Variants in DNMT1 observed in about 807,000 individuals in gnomAD.
The protein encoded by DNMT1 is DNA methyltransferase 1.
Under a neutral mutation model 205.3 loss-of-function variants are expected in DNMT1, and 24 were observed. The ratio of observed to expected loss-of-function variants is 0.12; its 90% confidence interval spans 0.08 to 0.16. The LOEUF (loss-of-function observed/expected upper bound fraction) is 0.16. DNMT1 is among the 10% of genes least tolerant of loss of function. The pLI, the probability that DNMT1 is intolerant of heterozygous loss-of-function variation, is 1.00. For synonymous variants in DNMT1, 817 were observed against 839.8 expected (o/e 0.97, Z 0.47); for missense variants, 1,293 against 2,177.7 (o/e 0.59, Z 8.09).
intron 19 of DNMT1, among the ~76,000 whole-genome samples, chr19:10,155,319 G>T (rs1481730189): frequency 6.6e-6 from 1 of 151,932 alleles, no homozygotes; most frequent in Non-Finnish European, 1.5e-5. Context: ...GGTTTGGGTT[G>T]CAAGAATAAG....
At chr19:10,139,282 C>T (rs552153229) in intron 34 of DNMT1, among the ~76,000 whole-genome samples, 17 of 152,340 alleles carry the variant, frequency 1.1e-4, no homozygotes, top group African/African-American at 4.1e-4. Context: ...TTAAACCAAT[C>T]GAACAGCTGC....
chr19:10,148,907 C>A lies in DNMT1; in HGVS notation c.2697G>T (p.Gln899His), dbSNP rs530293931. 5 of 1,614,186 alleles carry A rather than the reference C, an allele frequency of 3.1e-6. No homozygotes were observed. Among genetic ancestry groups the A allele is most frequent in the Non-Finnish European group, 4.2e-6 (5 of 1,180,032 alleles). Residue 899 changes from glutamine (Q) to histidine (H), a missense_variant, in exon 27 of 41, where the codon CAG becomes CAT. Gln to His is a conservative substitution (Grantham distance 24, BLOSUM62 0). Coordinates refer to ENST00000359526, the MANE Select transcript of DNMT1 (RefSeq NM_001130823.3). ...YARFESPPKT[Q>H]PTEDNKFKFC... ...ACTTGAACTTGTTGTCCTCTGTTGGCTGGGTTTTTGGAGGGGACTCGAATC... is the reference window on the plus strand; with the variant it reads ...ACTTGAACTTGTTGTCCTCTGTTGGATGGGTTTTTGGAGGGGACTCGAATC...
At chr19:10,173,626 G>C (rs1001151685) in intron 8 of DNMT1, among the ~76,000 whole-genome samples, 8 of 151,754 alleles carry the variant, frequency 5.3e-5, no homozygotes, top group African/African-American at 1.9e-4. Flanking sequence ...TGAGTAGCTG[G>C]GATTAAAGGC....
At position 10,142,113 on chromosome 19, in the gene DNMT1, C is replaced by G. The variant is rs779489678; in HGVS notation, c.3224G>C (p.Arg1075Pro). Reference sequence around the variant, plus strand: ...GTCCTCCCCATACTCCACGGTGCAGCGGCCCTGCACAGCCTTGAAGTCCAC... The same window carrying G: ...GTCCTCCCCATACTCCACGGTGCAGGGGCCCTGCACAGCCTTGAAGTCCAC... ...AVVDFKAVQG[R>P]CTVEYGEDLP... The change falls in exon 30 of 41, where the codon CGC becomes CCC. Residue 1075 changes from arginine (R) to proline (P), a missense_variant. Transcript: ENST00000359526. The G allele has an allele frequency of 6.2e-7, 1 of 1,613,760 alleles. No individual in the cohort carries two copies.
intron 9 of DNMT1, among the ~76,000 whole-genome samples, chr19:10,171,206 G>C (rs1440837512): frequency 1.7e-5 from 2 of 116,220 alleles, no homozygotes; most frequent in Non-Finnish European, 4.0e-5. Flanking sequence ...CAAAGAAGAT[G>C]AGGGACTGGG....
chr19:10,180,129 CATG>C (rs1478805676), intron 5 of DNMT1, 55 bp downstream of exon 5: 1 of 588,184 alleles, frequency 1.7e-6, no homozygotes, highest in East Asian at 3.1e-5. Flanking sequence ...GCCTGGCCAA[CATG>C]GTAAGACCCC....
At chr19:10,190,312 C>T (rs1161352874) in intron 1 of DNMT1, among the ~76,000 whole-genome samples, 3 of 152,168 alleles carry the variant, frequency 2.0e-5, no homozygotes, top group Non-Finnish European at 4.4e-5. Flanking sequence ...GTGCTCCAAG[C>T]TGCAGATACA....
chr19:10,169,082 G>C (rs889320083), intron 9 of DNMT1, among the ~76,000 whole-genome samples: 11 of 151,960 alleles, frequency 7.2e-5, no homozygotes, highest in African/African-American at 2.2e-4. Flanking sequence ...CGTCTGCCTT[G>C]GTCTCCCAAA....
At chr19:10,190,877 CTAAGA>C (rs2039289502) in intron 1 of DNMT1, among the ~76,000 whole-genome samples, 2 of 152,070 alleles carry the variant, frequency 1.3e-5, no homozygotes, top group Non-Finnish European at 2.9e-5. Context: ...TTTTGGGAGG[CTAAGA>C]TAAGTGGATC....
Position 10,139,759 on chromosome 19 carries a change from A to C in DNMT1, c.3865T>G (p.Ser1289Ala). Residue 1289 changes from serine to alanine, a missense_variant, in exon 34 of 41, where the codon TCC (serine) becomes GCC (alanine). Transcript: ENST00000359526. ...TTCAGGACCATGGAGCGCTTGAAGG[A>C]GACAAAGTTCCTGACATTCTCCAGG... ...FLLENVRNFV[S>A]FKRSMVLKLT... is the part of the protein sequence containing the mutation. The C allele has an allele frequency of 6.2e-7, 1 of 1,610,408 alleles. No individual in the cohort carries two copies. The highest frequency in any genetic ancestry group is 8.5e-7 in the Non-Finnish European group (1 of 1,178,752).
Position 10,137,618 on chromosome 19 carries a change from G to C in DNMT1, c.4293+214C>G. 1.4e-6 allele frequency: 1 copy of C among 723,070 alleles called. No homozygotes were observed. Among genetic ancestry groups the C allele is most frequent in the Non-Finnish European group, 2.3e-6 (1 of 435,622 alleles). 44.8% of individuals were successfully genotyped at this position (723,070 alleles called of 1,614,324 possible). ...GGCAGTGGTGGGTGGGCAGTGGCTT[G>C]ACACCATTCCAGACCAAGTCCAGGA... On this transcript the variant is annotated intron_variant, in intron 36 of 40. Transcript: ENST00000359526. This position sits in a 1 kb window ranked among gnomAD's most constrained non-coding sequence, Gnocchi z 6.4.
chr19:10,142,501 G>A (rs1268697097), intron 29 of DNMT1, among the ~76,000 whole-genome samples: 3 of 150,692 alleles, frequency 2.0e-5, no homozygotes, highest in African/African-American at 7.3e-5. Flanking sequence ...CCAAGTTAGG[G>A]AATCGCAGGG....
At chr19:10,183,594 G>A (rs143035582) in intron 1 of DNMT1, among the ~76,000 whole-genome samples, 14 of 152,240 alleles carry the variant, frequency 9.2e-5, no homozygotes, top group Non-Finnish European at 1.8e-4. Flanking sequence ...GGTGGCTGAT[G>A]CCTGGAATCC....
intron 1 of DNMT1, among the ~76,000 whole-genome samples, chr19:10,185,424 CA>C (rs908115315): frequency 0.016 from 1,540 of 95,124 alleles, 23 homozygotes; most frequent in South Asian, 0.057. Context: ...AACTCTGTCT[CA>C]AAAAAAAAAA....
chr19:10,175,716 T>G, intron 6 of DNMT1, 98 bp from the exon 7 acceptor site: 2 of 1,172,548 alleles, frequency 1.7e-6, no homozygotes, highest in South Asian at 2.5e-5. Context: ...TGAAAGAGGC[T>G]TCAAGTTTAA....
At chr19:10,193,951 CG>C (rs1285880735) in intron 1 of DNMT1, among the ~76,000 whole-genome samples, 2 of 152,118 alleles carry the variant, frequency 1.3e-5, no homozygotes, top group African/African-American at 4.8e-5. Flanking sequence ...TCCTTGTGCA[CG>C]GAAGTTGGAC....
chr19:10,168,158 T>C, intron 10 of DNMT1, among the ~76,000 whole-genome samples, 172 bp downstream of exon 10: 1 of 151,916 alleles, frequency 6.6e-6, no homozygotes, highest in East Asian at 1.9e-4. Context: ...TTAAAAAAGT[T>C]AACTTCAGCC....
intron 9 of DNMT1, among the ~76,000 whole-genome samples, chr19:10,172,746 C>A (rs1393744727): frequency 6.6e-6 from 1 of 151,858 alleles, no homozygotes; most frequent in Admixed American, 6.6e-5. Flanking sequence ...ACCTGGGAGG[C>A]AGAGGTTGCA....
intron 6 of DNMT1, among the ~76,000 whole-genome samples, chr19:10,177,062 T>G (rs568713783): frequency 6.6e-6 from 1 of 152,276 alleles, no homozygotes; most frequent in Non-Finnish European, 1.5e-5. Flanking sequence ...GATGGGTATT[T>G]CAGGGTTCAT....
Sources: allele counts gnomAD v4.1 joint callset (sites outside exome capture counted in the v4.1 genomes callset), GRCh38; gene constraint gnomAD v4.1.1; non-coding constraint Gnocchi (gnomAD v3.1); transcripts MANE v1.5; gene names NCBI Gene and HGNC (gene_info 2026-07-23, HGNC 2026-07-21).